The following DOCK11 variants were observed in gnomAD, a reference collection of about 807,000 sequenced individuals.
DOCK11 encodes dedicator of cytokinesis 11.
A neutral mutation model predicts 169.1 loss-of-function variants in DOCK11; 70 were observed. That is an observed-to-expected ratio of 0.41 (90% confidence interval 0.34 to 0.51). The LOEUF (loss-of-function observed/expected upper bound fraction) is 0.51, where lower values mean the gene tolerates loss of function less well. Ranked by LOEUF, DOCK11 falls within the 20% of genes least tolerant of loss-of-function variation. The pLI is 0.10. For missense variants in DOCK11, 1,166 were observed against 1,538.8 expected (o/e 0.76, Z 4.05); for synonymous variants, 529 against 541.3 (o/e 0.98, Z 0.32).
At chrX:118,633,087 G>A (rs1402837907) in intron 35 of DOCK11, 2 of 109,391 alleles carry the variant, frequency 1.8e-5, no homozygotes, top group African/African-American at 3.3e-5. Flanking sequence ...GTATCACATT[G>A]AGGCTTATCG....
rs973453059 is a variant in DOCK11 at position 118,527,956 on chromosome X, C to G, written c.103-14769C>G. On this transcript the variant is annotated intron_variant, in intron 1 of 52. Transcript: ENST00000276202. ...CTTTAGGAAGTGGATAGAGTGGTACCCCAAAAGGTATTGGCTGCCAAATAA... is the reference window on the plus strand; with the variant it reads ...CTTTAGGAAGTGGATAGAGTGGTACGCCAAAAGGTATTGGCTGCCAAATAA... Among the ~76,000 whole-genome samples the G allele has an allele frequency of 3.5e-4, 39 of 112,370 alleles. 1 individual carries two copies. The highest frequency in any genetic ancestry group is 1.2e-3 in the African/African-American group (37 of 30,921).
intron 12 of DOCK11, among the ~76,000 whole-genome samples, chrX:118,574,291 C>T (rs1470830808): frequency 2.7e-5 from 3 of 111,846 alleles, no homozygotes; most frequent in African/African-American, 3.3e-5. Context: ...CCAGGCCAGG[C>T]GTGGTGGCTC....
intron 46 of DOCK11, among the ~76,000 whole-genome samples, chrX:118,672,581 C>T (rs748325080): frequency 4.5e-5 from 5 of 112,061 alleles, no homozygotes; most frequent in Admixed American, 9.4e-5. Flanking sequence ...TACAGGCGCC[C>T]GCCACCGCGC....
At chrX:118,591,526 C>A (rs187348941) in intron 19 of DOCK11, among the ~76,000 whole-genome samples, 21 of 109,154 alleles carry the variant, frequency 1.9e-4, no homozygotes, top group African/African-American at 6.6e-4. Context: ...TAGTAAGTAA[C>A]CCACATTATT....
chrX:118,623,860 G>C (rs781324765), intron 31 of DOCK11, among the ~76,000 whole-genome samples: 6 of 112,706 alleles, frequency 5.3e-5, no homozygotes, highest in Admixed American at 9.4e-5. Context: ...TCTCTGATTT[G>C]AGTGTATATA....
At chrX:118,556,987 A>G (rs1408008393) in intron 6 of DOCK11, among the ~76,000 whole-genome samples, 1 of 111,731 alleles carries the variant, frequency 9.0e-6, no homozygotes, top group African/African-American at 3.3e-5. Context: ...AGGAGGAGAA[A>G]GAAGAGTGTG....
At chrX:118,511,601 A>G (rs1038973802) in intron 1 of DOCK11, among the ~76,000 whole-genome samples, 1 of 110,976 alleles carries the variant, frequency 9.0e-6, no homozygotes, top group Non-Finnish European at 1.9e-5. Context: ...CCTTTTCTCT[A>G]TTGGCTGTCA....
Position 118,599,210 on chromosome X carries a change from G to C in DOCK11, c.2544G>C (p.Glu848Asp). ...IQSGSKEVPG[E>D]LIKYLKCLHA... ...CAGGCTCGAAAGAAGTTCCAGGGGA[G>C]CTCATTAAATATTTAAAGGTAAATG... is the stretch of plus-strand genomic sequence containing the variant. Residue 848 changes from glutamate (E) to aspartate (D), a missense_variant, in exon 23 of 53, where the codon GAG (glutamate) becomes GAC (aspartate). Transcript: ENST00000276202. 1.7e-6 allele frequency: 2 copies of C among 1,206,911 alleles called. No homozygotes were observed. Among genetic ancestry groups the C allele is most frequent in the Non-Finnish European group, 2.2e-6 (2 of 892,149 alleles).
At chrX:118,616,533 TTTTTGTTTTTG>T (rs1287459138) in intron 30 of DOCK11, among the ~76,000 whole-genome samples, 2 of 107,912 alleles carry the variant, frequency 1.9e-5, no homozygotes, top group Non-Finnish European at 3.8e-5. Flanking sequence ...ACTTGTTTTT[TTTTTGTTTTTG>T]TTTTTGTTTT....
intron 36 of DOCK11, among the ~76,000 whole-genome samples, chrX:118,636,951 T>G (rs1480314432): frequency 8.9e-6 from 1 of 112,167 alleles, no homozygotes; most frequent in Non-Finnish European, 1.9e-5. Flanking sequence ...GAGCTATTTT[T>G]ATATGATTAT....
intron 35 of DOCK11, chrX:118,633,719 G>A (rs944152084): frequency 3.6e-5 from 4 of 112,356 alleles, no homozygotes; most frequent in African/African-American, 1.3e-4. Flanking sequence ...CTTACTTTGT[G>A]ACTGGCTTAT....
chrX:118,568,370 T>TTATATA lies in DOCK11; in HGVS notation c.1035+258_1035+263dup, dbSNP rs397839351. On this transcript the variant is annotated intron_variant, in intron 10 of 52. Coordinates refer to ENST00000276202, the MANE Select transcript of DOCK11 (RefSeq NM_144658.4). ...CATATGCAGATAATTTGGGGCTGAA[T>TTATATA]TATATATATATATATATATATATAT... Among the ~76,000 whole-genome samples the TTATATA allele has an allele frequency of 2.3e-3, 86 of 36,733 alleles. 1 individual carries two copies. The highest frequency in any genetic ancestry group is 3.2e-3 in the East Asian group (2 of 627). 31.9% of individuals were successfully genotyped at this position (36,733 alleles called of 115,157 possible).
At chrX:118,610,969 G>C (rs2014669015) in intron 28 of DOCK11, among the ~76,000 whole-genome samples, 1 of 111,480 alleles carries the variant, frequency 9.0e-6, no homozygotes, top group Non-Finnish European at 1.9e-5. Flanking sequence ...AACCTGGGAG[G>C]TGGAGGTTTC....
chrX:118,572,547 C>A, intron 11 of DOCK11, 84 bp downstream of exon 11: 1 of 948,491 alleles, frequency 1.1e-6, no homozygotes. Context: ...CACCAAACCT[C>A]CGTGACATGC....
intron 1 of DOCK11, among the ~76,000 whole-genome samples, chrX:118,528,766 A>C (rs955260837): frequency 2.2e-5 from 2 of 92,319 alleles, no homozygotes; most frequent in Non-Finnish European, 4.1e-5. Flanking sequence ...TTATGGGAAG[A>C]GGTAAGAAAA....
At chrX:118,647,882 A>G (rs1423223754) in intron 40 of DOCK11, among the ~76,000 whole-genome samples, 3 of 52,750 alleles carry the variant, frequency 5.7e-5, no homozygotes, top group South Asian at 1.2e-3. Flanking sequence ...AATATATAAT[A>G]TTTAATAATA....
intron 1 of DOCK11, among the ~76,000 whole-genome samples, chrX:118,516,254 G>T (rs1257717464): frequency 9.8e-6 from 1 of 101,923 alleles, no homozygotes; most frequent in Non-Finnish European, 2.0e-5. Context: ...CACCATGCCC[G>T]GCTAATTTTG....
At chrX:118,647,819 T>TTATTATAATATAATATTTAATATA (rs1470241071) in intron 40 of DOCK11, among the ~76,000 whole-genome samples, 2 of 51,389 alleles carry the variant, frequency 3.9e-5, no homozygotes, top group Non-Finnish European at 6.2e-5. Flanking sequence ...ATATATTATA[T>TTATTATAATATAATATTTAATATA]TATTATAATA....
intron 36 of DOCK11, among the ~76,000 whole-genome samples, chrX:118,637,550 A>C (rs1029822274): frequency 1.8e-5 from 2 of 111,309 alleles, no homozygotes; most frequent in Non-Finnish European, 3.8e-5. Flanking sequence ...ACTTGAGCCC[A>C]GGAGTTTGAG....
Sources: allele counts gnomAD v4.1 joint callset (sites outside exome capture counted in the v4.1 genomes callset), GRCh38; gene constraint gnomAD v4.1.1; transcripts MANE v1.5; gene names NCBI Gene and HGNC (gene_info 2026-07-23, HGNC 2026-07-21).